CNTLN: variants seen among roughly 807,000 people sequenced by gnomAD.
The protein encoded by CNTLN is centlein.
CNTLN carries 212 observed loss-of-function variants against 180.0 expected under a neutral mutation model. The ratio of observed to expected loss-of-function variants is 1.18; its 90% CI spans 1.05 to 1.32. The LOEUF (loss-of-function observed/expected upper bound fraction) is 1.32. Among genes scored for constraint, CNTLN ranks in the 40% most tolerant of loss-of-function variants. The pLI is 0.00. For synonymous variants in CNTLN, 722 were observed against 563.1 expected (o/e 1.28, Z -3.99); for missense variants, 2,095 against 1,610.9 (o/e 1.30, Z -5.14).
chr9:17,328,589 T>C (rs1820453197), intron 8 of CNTLN, among the ~76,000 whole-genome samples: 1 of 152,146 alleles, frequency 6.6e-6, no homozygotes, highest in African/African-American at 2.4e-5. Context: ...TAAACATGTC[T>C]GTAACAAAAG....
intron 6 of CNTLN, among the ~76,000 whole-genome samples, chr9:17,285,111 G>A (rs1029763101): frequency 8.1e-5 from 12 of 148,284 alleles, no homozygotes; most frequent in Admixed American, 3.4e-4. Flanking sequence ...CCACTAACTC[G>A]TCATCTAGCA....
chr9:17,267,827 G>T (rs896578455), intron 5 of CNTLN, among the ~76,000 whole-genome samples: 8 of 151,942 alleles, frequency 5.3e-5, no homozygotes, highest in Non-Finnish European at 1.0e-4. Flanking sequence ...CCAGTTGATC[G>T]CATCGGCTAA....
intron 8 of CNTLN, among the ~76,000 whole-genome samples, chr9:17,312,463 T>A (rs1245002756): frequency 1.3e-5 from 2 of 149,896 alleles, no homozygotes; most frequent in Non-Finnish European, 3.0e-5. Context: ...CTCGGCTCAC[T>A]GCAAGCTCCG....
intron 5 of CNTLN, among the ~76,000 whole-genome samples, chr9:17,246,235 C>G (rs532877288): frequency 3.3e-5 from 5 of 152,100 alleles, no homozygotes; most frequent in Non-Finnish European, 5.9e-5. Context: ...TGTCTTTGGT[C>G]ATTGTAGCCT....
chr9:17,225,337 C>A (rs1316499397), intron 2 of CNTLN, among the ~76,000 whole-genome samples: 2 of 152,040 alleles, frequency 1.3e-5, no homozygotes, highest in East Asian at 3.9e-4. Flanking sequence ...CCTCAGCCTG[C>A]ATCTGGCTCT....
At chr9:17,454,255 A>C (rs1205076534) in intron 18 of CNTLN, among the ~76,000 whole-genome samples, 1 of 152,216 alleles carries the variant, frequency 6.6e-6, no homozygotes, top group Non-Finnish European at 1.5e-5. Flanking sequence ...CTAGTTTAAA[A>C]ATTTTATAGT....
intron 1 of CNTLN, among the ~76,000 whole-genome samples, chr9:17,136,787 T>G (rs1423187972): frequency 6.6e-6 from 1 of 152,196 alleles, no homozygotes; most frequent in Admixed American, 6.5e-5. Context: ...TGTTCTTCGT[T>G]GGATAAGGAG....
At chr9:17,429,692 T>C (rs1829302758) in intron 18 of CNTLN, among the ~76,000 whole-genome samples, 1 of 151,976 alleles carries the variant, frequency 6.6e-6, no homozygotes, top group Non-Finnish European at 1.5e-5. Flanking sequence ...CCATGGGTCA[T>C]GGTTAGTAAA....
the CNTLN span, among the ~76,000 whole-genome samples, chr9:17,515,102 G>C: frequency 6.6e-6 from 1 of 152,112 alleles, no homozygotes; most frequent in African/African-American, 2.4e-5. Flanking sequence ...TATACAAATG[G>C]TCTGTACATT....
chr9:17,179,051 C>A (rs960407991), intron 2 of CNTLN, among the ~76,000 whole-genome samples: 4 of 146,192 alleles, frequency 2.7e-5, no homozygotes, highest in Non-Finnish European at 6.0e-5. Flanking sequence ...GAGACCATCC[C>A]GGCTAAAACG....
At chr9:17,309,555 T>A (rs1176819268) in intron 8 of CNTLN, among the ~76,000 whole-genome samples, 1 of 148,320 alleles carries the variant, frequency 6.7e-6, no homozygotes, top group Non-Finnish European at 1.5e-5. Flanking sequence ...TTTGAGACTT[T>A]TTAACTGAAT....
chr9:17,274,327 C>T (rs991721055), intron 6 of CNTLN, among the ~76,000 whole-genome samples: 10 of 148,660 alleles, frequency 6.7e-5, no homozygotes, highest in Admixed American at 2.0e-4. Context: ...AAAGGAAGCA[C>T]GATACTCTTG....
intron 6 of CNTLN, among the ~76,000 whole-genome samples, chr9:17,285,367 G>A (rs1395026849): frequency 6.7e-5 from 10 of 148,648 alleles, no homozygotes; most frequent in African/African-American, 1.5e-4. Flanking sequence ...GTATTCCATG[G>A]TGTATATGTG....
At chr9:17,411,141 A>G (rs1827812825) in intron 16 of CNTLN, among the ~76,000 whole-genome samples, 1 of 152,166 alleles carries the variant, frequency 6.6e-6, no homozygotes, top group African/African-American at 2.4e-5. Context: ...TCAGCACTCA[A>G]GGAACAACAT....
intron 1 of CNTLN, 86 bp from the exon 2 acceptor site, chr9:17,143,202 G>GT: frequency 1.1e-6 from 1 of 908,782 alleles, no homozygotes; most frequent in South Asian, 1.5e-5. Context: ...TCAAGTAATT[G>GT]TTTTTTCATT....
chr9:17,508,250 T>A (rs1302142821), downstream of CNTLN, among the ~76,000 whole-genome samples: 1 of 152,214 alleles, frequency 6.6e-6, no homozygotes, highest in Non-Finnish European at 1.5e-5. Context: ...ATATGACATT[T>A]TATTTCAAGA....
chr9:17,392,160 G>GCTAA (rs1826164864), intron 14 of CNTLN, among the ~76,000 whole-genome samples: 1 of 152,098 alleles, frequency 6.6e-6, no homozygotes, highest in Non-Finnish European at 1.5e-5. Context: ...CTAGCTCCTT[G>GCTAA]GGAGGCTAAG....
intron 15 of CNTLN, among the ~76,000 whole-genome samples, chr9:17,405,254 A>G (rs1406067729): frequency 6.6e-6 from 1 of 151,590 alleles, no homozygotes; most frequent in African/African-American, 2.4e-5. Context: ...CAGTCTCTCA[A>G]TTTTTAAGAG....
At chr9:17,272,562 C>A (rs950881146) in intron 5 of CNTLN, among the ~76,000 whole-genome samples, 1 of 152,136 alleles carries the variant, frequency 6.6e-6, no homozygotes, top group Non-Finnish European at 1.5e-5. Flanking sequence ...GATCTTCTTT[C>A]CAGCCTGAGG....
Sources: allele counts gnomAD v4.1 joint callset (sites outside exome capture counted in the v4.1 genomes callset), GRCh38; gene constraint gnomAD v4.1.1; transcripts MANE v1.5; gene names NCBI Gene and HGNC (gene_info 2026-07-23, HGNC 2026-07-21).